The following CFAP95 variants were observed in gnomAD, a reference collection of about 807,000 sequenced individuals.
CFAP95 encodes the protein cilia and flagella associated protein 95, also known as cilia- and flagella-associated protein 95.
the CFAP95 span, among the ~76,000 whole-genome samples, chr9:69,849,425 A>AT: frequency 6.6e-6 from 1 of 152,128 alleles, no homozygotes; most frequent in Non-Finnish European, 1.5e-5. Context: ...TTCAACAAAC[A>AT]TTTTTTGAGG....
the CFAP95 span, among the ~76,000 whole-genome samples, chr9:69,846,859 C>T: frequency 6.6e-6 from 1 of 152,312 alleles, no homozygotes; most frequent in Middle Eastern, 3.4e-3. Context: ...TGCTAAGAGA[C>T]TAAATTAGAT....
chr9:69,827,063 C>T, the CFAP95 span, among the ~76,000 whole-genome samples: 1 of 152,092 alleles, frequency 6.6e-6, no homozygotes, highest in Admixed American at 6.6e-5. Context: ...ACTTCTGTTA[C>T]AATAGTAAAG....
chr9:69,894,556 A>G, the CFAP95 span, among the ~76,000 whole-genome samples: 1 of 152,182 alleles, frequency 6.6e-6, no homozygotes, highest in South Asian at 2.1e-4. Context: ...AGCTCACTTA[A>G]TCCTCACAAC....
chr9:69,835,442 A>T, the CFAP95 span, among the ~76,000 whole-genome samples: 1 of 152,218 alleles, frequency 6.6e-6, no homozygotes, highest in African/African-American at 2.4e-5. Context: ...CAGCAAGTAG[A>T]TTTATAATTT....
chr9:69,825,455 C>T, the CFAP95 span, among the ~76,000 whole-genome samples: 1 of 152,098 alleles, frequency 6.6e-6, no homozygotes, highest in African/African-American at 2.4e-5. Flanking sequence ...TAGGGGATAC[C>T]TTTGGTTCGT....
chr9:69,861,179 A>G, the CFAP95 span, among the ~76,000 whole-genome samples: 3 of 152,214 alleles, frequency 2.0e-5, no homozygotes, highest in Non-Finnish European at 2.9e-5. Flanking sequence ...GCATTGTGCT[A>G]TGATATTACA....
the CFAP95 span, among the ~76,000 whole-genome samples, chr9:69,828,428 C>A: frequency 6.6e-6 from 1 of 152,216 alleles, no homozygotes; most frequent in Admixed American, 6.5e-5. Context: ...CGCCTGTAAT[C>A]CCAACACTTT....
chr9:69,858,495 G>A, the CFAP95 span, among the ~76,000 whole-genome samples: 1 of 152,150 alleles, frequency 6.6e-6, no homozygotes, highest in Non-Finnish European at 1.5e-5. Context: ...GTGCTGCCGT[G>A]TTCCTTAGAG....
At chr9:69,868,713 G>A in the CFAP95 span, among the ~76,000 whole-genome samples, 5 of 148,120 alleles carry the variant, frequency 3.4e-5, no homozygotes, top group Non-Finnish European at 7.4e-5. Context: ...AAAATGAAAA[G>A]GCAGCCTATG....
chr9:69,905,841 G>T, the CFAP95 span: 1 of 797,852 alleles, frequency 1.3e-6, no homozygotes. Context: ...TTAATCAATT[G>T]TTAAAAATTA....
chr9:69,841,193 T>TATATATATATATATAC, the CFAP95 span, among the ~76,000 whole-genome samples: 2 of 134,042 alleles, frequency 1.5e-5, no homozygotes, highest in Admixed American at 7.6e-5. Flanking sequence ...TATATATATA[T>TATATATATATATATAC]ATATTTCTGA....
At chr9:69,882,891 A>G in the CFAP95 span, among the ~76,000 whole-genome samples, 1 of 152,066 alleles carries the variant, frequency 6.6e-6, no homozygotes, top group African/African-American at 2.4e-5. Context: ...TTCATTAGAG[A>G]TACTGGCCTG....
the CFAP95 span, among the ~76,000 whole-genome samples, chr9:69,905,279 C>A: frequency 1.3e-5 from 2 of 152,064 alleles, no homozygotes; most frequent in African/African-American, 4.8e-5. Context: ...AAAATTAGAG[C>A]CAATTTAAAG....
the CFAP95 span, among the ~76,000 whole-genome samples, chr9:69,881,158 T>A: frequency 8.5e-5 from 13 of 152,170 alleles, no homozygotes; most frequent in African/African-American, 3.1e-4. Context: ...TGCAGAAGAT[T>A]TTTAACTTGA....
the CFAP95 span, chr9:69,820,833 A>T: frequency 6.3e-7 from 1 of 1,585,390 alleles, no homozygotes; most frequent in South Asian, 1.1e-5. Context: ...GCCGGGCAGG[A>T]CAGGTGCATA....
At chr9:69,867,144 T>C in the CFAP95 span, among the ~76,000 whole-genome samples, 1 of 152,232 alleles carries the variant, frequency 6.6e-6, no homozygotes, top group East Asian at 1.9e-4. Context: ...CTAATGAGTT[T>C]GGTTTGGAAC....
the CFAP95 span, among the ~76,000 whole-genome samples, chr9:69,835,384 C>A: frequency 7.2e-5 from 11 of 152,276 alleles, no homozygotes; most frequent in Admixed American, 6.5e-4. Flanking sequence ...AGATTCAAAC[C>A]CCTTTGCAAT....
chr9:69,821,021 G>C, the CFAP95 span: 2 of 1,613,540 alleles, frequency 1.2e-6, no homozygotes, highest in East Asian at 4.5e-5. Context: ...GCCGGTGTTG[G>C]TGTATTCCTG....
At chr9:69,881,197 G>A in the CFAP95 span, among the ~76,000 whole-genome samples, 25 of 152,206 alleles carry the variant, frequency 1.6e-4, no homozygotes, top group South Asian at 1.9e-3. Context: ...CTTTTGCTTT[G>A]GCTGCCTGTG....
Sources: gnomAD v4.1 joint callset for allele counts (sites outside exome capture counted in the v4.1 genomes callset) on GRCh38, gnomAD v4.1.1 for gene constraint, MANE v1.5 for transcripts, NCBI Gene and HGNC (gene_info 2026-07-23, HGNC 2026-07-21) for gene names.